The following KCNB2 variants were observed in gnomAD, a reference collection of about 807,000 sequenced individuals.
KCNB2 encodes potassium voltage-gated channel subfamily B member 2.
A neutral mutation model predicts 61.5 loss-of-function variants in KCNB2; 15 were observed. The observed-to-expected ratio is 0.24, with a 90% CI of 0.16 to 0.38. KCNB2 has a LOEUF of 0.38. Among genes scored for constraint, KCNB2 ranks in the 10% least tolerant of loss-of-function variants. KCNB2 has a pLI of 1.00. For synonymous variants in KCNB2, 457 were observed against 446.0 expected (o/e 1.02, Z -0.31); for missense variants, 828 against 1,125.2 (o/e 0.74, Z 3.78).
At chr8:72,725,495 T>G (rs2128993051) in intron 2 of KCNB2, among the ~76,000 whole-genome samples, 1 of 144,062 alleles carries the variant, frequency 6.9e-6, no homozygotes, top group Non-Finnish European at 1.5e-5. Context: ...ATATTTGGCT[T>G]GCTTTCTTTG....
At chr8:72,813,424 A>G (rs1307406267) in intron 2 of KCNB2, among the ~76,000 whole-genome samples, 3 of 152,292 alleles carry the variant, frequency 2.0e-5, no homozygotes, top group Middle Eastern at 3.4e-3. Context: ...CAAAAAAAAT[A>G]ACTTACAGAC....
intron 2 of KCNB2, among the ~76,000 whole-genome samples, chr8:72,930,784 A>G (rs962181652): frequency 2.0e-5 from 3 of 152,186 alleles, no homozygotes; most frequent in Non-Finnish European, 4.4e-5. Flanking sequence ...TTTGCTGTGC[A>G]GAAGCTCTTT....
At chr8:72,724,769 G>T (rs1807604975) in intron 2 of KCNB2, among the ~76,000 whole-genome samples, 1 of 152,138 alleles carries the variant, frequency 6.6e-6, no homozygotes, top group African/African-American at 2.4e-5. Flanking sequence ...AGATACGGCA[G>T]TTGTGAGAAA....
intron 2 of KCNB2, among the ~76,000 whole-genome samples, chr8:72,894,296 A>C (rs1487081013): frequency 6.6e-6 from 1 of 152,124 alleles, no homozygotes; most frequent in Non-Finnish European, 1.5e-5. Context: ...GCTGGTGATC[A>C]CTGGTCAAGG....
Position 72,936,682 on chromosome 8 carries a change from G to A in KCNB2, c.1327G>A (p.Ala443Thr), listed in dbSNP as rs867555998. 1 of 1,614,184 alleles carries A rather than the reference G, an allele frequency of 6.2e-7. No individual in the cohort carries two copies. Among genetic ancestry groups the A allele is most frequent in the Non-Finnish European group, 8.5e-7 (1 of 1,180,026 alleles). ...TAAAAGGAGGGAGGCTCTTGAGCGG[G>A]CCAAAAGGAACGGAAGCATCGTTTC... ...AIKRREALER[A>T]KRNGSIVSMN... The change falls in exon 3 of 3, where the codon GCC (alanine) becomes ACC (threonine). Residue 443 changes from alanine (A) to threonine (T), a missense_variant. Coordinates refer to ENST00000523207, the MANE Select transcript of KCNB2 (RefSeq NM_004770.3). This position sits in a 1 kb window ranked among gnomAD's most constrained non-coding sequence, Gnocchi z 5.6.
At chr8:72,823,061 G>A (rs1299178777) in intron 2 of KCNB2, among the ~76,000 whole-genome samples, 1 of 151,898 alleles carries the variant, frequency 6.6e-6, no homozygotes, top group Non-Finnish European at 1.5e-5. Context: ...GAAGGAGGAA[G>A]GGAATGTTTG....
intron 1 of KCNB2, among the ~76,000 whole-genome samples, chr8:72,561,788 TAC>T (rs199832099): frequency 0.029 from 2,095 of 72,742 alleles, 380 homozygotes; most frequent in African/African-American, 0.043. Flanking sequence ...GATATATATA[TAC>T]ATATATATAT....
chr8:72,841,969 G>A (rs913618088), intron 2 of KCNB2, among the ~76,000 whole-genome samples: 4 of 152,076 alleles, frequency 2.6e-5, no homozygotes, highest in Non-Finnish European at 4.4e-5. Flanking sequence ...ACACTATGCC[G>A]AATAGAAGTG....
intron 2 of KCNB2, among the ~76,000 whole-genome samples, chr8:72,825,392 G>C (rs1809581297): frequency 6.6e-6 from 1 of 152,078 alleles, no homozygotes; most frequent in African/African-American, 2.4e-5. Flanking sequence ...CCTGTTTTCA[G>C]TTCTTTTGGG....
chr8:72,688,528 T>A (rs1158209573), intron 2 of KCNB2, among the ~76,000 whole-genome samples: 3 of 152,114 alleles, frequency 2.0e-5, no homozygotes, highest in Admixed American at 6.5e-5. Flanking sequence ...TTTTCTGTAA[T>A]TCTTAGTGTT....
chr8:72,834,902 C>G (rs1739972903), intron 2 of KCNB2, among the ~76,000 whole-genome samples: 1 of 152,154 alleles, frequency 6.6e-6, no homozygotes, highest in Non-Finnish European at 1.5e-5. Flanking sequence ...TGTGTGGAAC[C>G]AGGCAAATAA....
chr8:72,759,448 C>T (rs1808342601), intron 2 of KCNB2, among the ~76,000 whole-genome samples: 1 of 152,140 alleles, frequency 6.6e-6, no homozygotes. Context: ...AGGTGGCCAT[C>T]AGAATTAAAA....
intron 2 of KCNB2, among the ~76,000 whole-genome samples, chr8:72,928,953 T>A (rs545617341): frequency 1.3e-5 from 2 of 151,024 alleles, no homozygotes; most frequent in African/African-American, 2.4e-5. Context: ...GTTTTTTTTT[T>A]ATTGTTTCCC....
At chr8:72,585,006 G>T (rs566652407) in intron 2 of KCNB2, among the ~76,000 whole-genome samples, 1 of 152,258 alleles carries the variant, frequency 6.6e-6, no homozygotes, top group African/African-American at 2.4e-5. Context: ...CTGGAACTCT[G>T]CCAGGGATGT....
intron 2 of KCNB2, among the ~76,000 whole-genome samples, chr8:72,625,128 C>T (rs1283339385): frequency 3.3e-5 from 5 of 152,202 alleles, no homozygotes; most frequent in Admixed American, 1.3e-4. Flanking sequence ...TGTCCAGACT[C>T]CTGACTCGCA....
intron 2 of KCNB2, among the ~76,000 whole-genome samples, chr8:72,710,682 G>A: frequency 6.6e-6 from 1 of 152,110 alleles, no homozygotes; most frequent in East Asian, 1.9e-4. Flanking sequence ...CTTCAGTATG[G>A]CCAGAGATGC....
intron 2 of KCNB2, among the ~76,000 whole-genome samples, chr8:72,587,413 T>G (rs1247814136): frequency 6.6e-6 from 1 of 152,166 alleles, no homozygotes; most frequent in Non-Finnish European, 1.5e-5. Context: ...TACACTTATG[T>G]AGTCTTAGTC....
At chr8:72,567,521 A>G (rs1260568527) in intron 1 of KCNB2, 121 bp from the exon 2 acceptor site, 10 of 489,988 alleles carry the variant, frequency 2.0e-5, no homozygotes, top group East Asian at 1.9e-4. Context: ...TTAATATTGT[A>G]CCTTCTGGTT....
At chr8:72,713,179 G>A (rs1460428795) in intron 2 of KCNB2, among the ~76,000 whole-genome samples, 2 of 152,244 alleles carry the variant, frequency 1.3e-5, no homozygotes, top group East Asian at 1.9e-4. Context: ...AAACTGGGTG[G>A]GGCCCACCAA....
Sources: allele counts gnomAD v4.1 joint callset (sites outside exome capture counted in the v4.1 genomes callset), GRCh38; gene constraint gnomAD v4.1.1; non-coding constraint Gnocchi (gnomAD v3.1); transcripts MANE v1.5; gene names NCBI Gene and HGNC (gene_info 2026-07-23, HGNC 2026-07-21).